The following MYCBP2 variants were observed in gnomAD, a reference collection of about 807,000 sequenced individuals.
MYCBP2 encodes the protein E3 ubiquitin-protein ligase MYCBP2.
MYCBP2 carries 120 observed loss-of-function variants against 525.3 expected under a neutral mutation model. The ratio of observed to expected loss-of-function variants is 0.23; its 90% CI spans 0.20 to 0.27. The LOEUF (loss-of-function observed/expected upper bound fraction) is 0.27. Ranked by LOEUF, MYCBP2 falls within the 10% of genes least tolerant of loss-of-function variation. The pLI is 1.00. For missense variants in MYCBP2, 4,149 were observed against 5,657.1 expected (o/e 0.73, Z 8.55); for synonymous variants, 1,894 against 1,955.8 (o/e 0.97, Z 0.83).
intron 1 of MYCBP2, among the ~76,000 whole-genome samples, chr13:77,297,378 G>A (rs2078300041): frequency 6.6e-6 from 1 of 152,156 alleles, no homozygotes; most frequent in African/African-American, 2.4e-5. Context: ...TGTCCCCAAG[G>A]AGCTCAGAGA....
At position 77,059,507 on chromosome 13, in the gene MYCBP2, G is replaced by A. The variant is rs41287040; in HGVS notation, c.13140+16C>T. On this transcript the variant is annotated intron_variant, in intron 77 of 82. Coordinates refer to ENST00000544440, the MANE Select transcript of MYCBP2 (RefSeq NM_015057.5). ...GAACATGGACAATGGGATGGCCTGT[G>A]TCACTATATACTCACCTGGCAATCT... is the stretch of plus-strand genomic sequence containing the variant. 0.022 allele frequency: 34,883 copies of A among 1,582,356 alleles called. 555 individuals carry two copies. The highest frequency in any genetic ancestry group is 0.054 in the Middle Eastern group (327 of 6,002).
intron 55 of MYCBP2, among the ~76,000 whole-genome samples, chr13:77,118,718 G>A (rs183425859): frequency 1.1e-4 from 16 of 151,074 alleles, no homozygotes; most frequent in Admixed American, 2.6e-4. Flanking sequence ...ATCTTATATA[G>A]AAGCCCACCT....
intron 38 of MYCBP2, 21 bp downstream of exon 38, chr13:77,171,471 C>G (rs750838596): frequency 6.2e-7 from 1 of 1,604,472 alleles, no homozygotes; most frequent in African/African-American, 1.3e-5. Context: ...AATATGACTA[C>G]TGAGAAAGAA....
At chr13:77,256,659 C>T (rs1032362393) in intron 14 of MYCBP2, among the ~76,000 whole-genome samples, 3 of 152,030 alleles carry the variant, frequency 2.0e-5, no homozygotes, top group Non-Finnish European at 2.9e-5. Flanking sequence ...CAGAGAAATG[C>T]AAATCAAAAC....
At chr13:77,222,980 A>G (rs912837008) in intron 20 of MYCBP2, among the ~76,000 whole-genome samples, 1 of 152,286 alleles carries the variant, frequency 6.6e-6, no homozygotes, top group Non-Finnish European at 1.5e-5. Context: ...TCAAAAGGTA[A>G]GTTTTTGCAG....
At chr13:77,142,683 T>C (rs1185027864) in intron 49 of MYCBP2, among the ~76,000 whole-genome samples, 1 of 152,194 alleles carries the variant, frequency 6.6e-6, no homozygotes, top group Non-Finnish European at 1.5e-5. Flanking sequence ...ATCCCTAATA[T>C]GTTAATGTAG....
intron 23 of MYCBP2, among the ~76,000 whole-genome samples, chr13:77,209,461 A>C (rs1369165231): frequency 6.6e-6 from 1 of 152,246 alleles, no homozygotes; most frequent in African/African-American, 2.4e-5. Context: ...ATTTACACCT[A>C]AGTCCAAACC....
Position 77,205,304 on chromosome 13 carries a change from A to T in MYCBP2, c.3795T>A (p.Gly1265=), listed in dbSNP as rs766322207. ...CTCTACCTCCAAACAGACCAAGACC[A>T]CCAAGTAAAATATCAGTGTCGGCAC... ...RFSADTDILL[G]GLGLFGGRGE... The change falls in exon 26 of 83, where the codon GGT becomes GGA. Residue 1265 remains glycine (G), a synonymous_variant. Transcript: ENST00000544440. 6.2e-7 allele frequency: 1 copy of T among 1,613,782 alleles called. No individual in the cohort carries two copies. Among genetic ancestry groups the T allele is most frequent in the African/African-American group, 1.3e-5 (1 of 75,030 alleles).
chr13:77,052,186 TCTC>T (rs775531349), intron 80 of MYCBP2, among the ~76,000 whole-genome samples: 11 of 151,922 alleles, frequency 7.2e-5, no homozygotes, highest in African/African-American at 1.7e-4. Context: ...TCTCTTCTCT[TCTC>T]CTCTTCCACC....
intron 21 of MYCBP2, among the ~76,000 whole-genome samples, chr13:77,213,520 T>C (rs1329223734): frequency 2.0e-5 from 3 of 152,172 alleles, no homozygotes; most frequent in Admixed American, 6.5e-5. Flanking sequence ...ATATATCATA[T>C]TCAGGGATAT....
At position 77,058,459 on chromosome 13, in the gene MYCBP2, T is replaced by C. The variant is rs1185168618; in HGVS notation, c.13141-53A>G. 4.2e-6 allele frequency: 6 copies of C among 1,428,064 alleles called. No individual in the cohort carries two copies. Among genetic ancestry groups the C allele is most frequent in the Non-Finnish European group, 5.6e-6 (6 of 1,072,070 alleles). The allele number at this position is 1,428,064 out of a possible 1,614,324, so 88.5% of individuals were successfully genotyped here. On this transcript the variant is annotated intron_variant, in intron 77 of 82. Transcript: ENST00000544440. The surrounding 1 kb of genome is among the most constrained non-coding windows in gnomAD (Gnocchi z 4.1). The stretch of plus-strand genomic sequence containing the variant: ...CAAGTATGTAAAAAAGCACACATTC[T>C]GGTAATTTTCCTTATTATATAAATT...
At chr13:77,294,117 T>TATATATATATATATATAC (rs2077844177) in intron 2 of MYCBP2, among the ~76,000 whole-genome samples, 3 of 56,668 alleles carry the variant, frequency 5.3e-5, no homozygotes, top group African/African-American at 1.4e-4. Context: ...TATATATATA[T>TATATATATATATATATAC]ATATATATAT....
At chr13:77,078,702 G>A (rs968006263) in intron 66 of MYCBP2, 122 bp downstream of exon 66, 12 of 754,536 alleles carry the variant, frequency 1.6e-5, no homozygotes, top group Non-Finnish European at 2.5e-5. Flanking sequence ...TTAGTGTTCT[G>A]TAAATAGATA....
chr13:77,098,812 G>T lies in MYCBP2; in HGVS notation c.8342C>A (p.Ser2781Ter). ...ILKSDAAKLR[S>*]DSHSRSLSPN... ...GGATAATGACCTACTGTGGGAATCT[G>T]ACCTCAACTTTGCAGCATCAGATTT... Residue 2781 changes from serine (S) to a stop codon, truncating the protein, a stop_gained, in exon 56 of 83, where the codon TCA becomes TAA. Transcript: ENST00000544440. LOFTEE classifies it high-confidence loss of function. 6.2e-7 allele frequency: 1 copy of T among 1,613,578 alleles called. No homozygotes were observed. The highest frequency in any genetic ancestry group is 1.1e-5 in the South Asian group (1 of 91,054).
rs777123311 is a variant in MYCBP2 at position 77,174,396 on chromosome 13, C to T, written c.5566G>A (p.Val1856Met). 3.1e-6 allele frequency: 5 copies of T among 1,614,056 alleles called. No individual in the cohort carries two copies. In the African/African-American group the frequency reaches 4.0e-5, roughly 13 times the overall value. The change falls in exon 37 of 83, where the codon GTG (valine) becomes ATG (methionine). Residue 1856 changes from valine to methionine, a missense_variant. Around this residue, in one of 21 missense-constraint regions of MYCBP2, gnomAD observed 109 missense variants for 118.9 expected, o/e 0.92. Coordinates refer to ENST00000544440, the MANE Select transcript of MYCBP2 (RefSeq NM_015057.5). ...CTGCACGTGCTGAATGTGAATGTCA[C>T]ACCATCAGGGCACTGAACTGTGGTC... ...GMTTVQCPDG[V>M]TFTFSTCSLS...
At chr13:77,162,044 TA>T in intron 43 of MYCBP2, 89 bp from the exon 44 acceptor site, 2 of 881,982 alleles carry the variant, frequency 2.3e-6, no homozygotes, top group Non-Finnish European at 3.5e-6. Context: ...ACACTTTTTT[TA>T]AAAAAATAAT....
intron 26 of MYCBP2, among the ~76,000 whole-genome samples, chr13:77,199,457 G>C (rs1453206232): frequency 6.6e-6 from 1 of 152,026 alleles, no homozygotes; most frequent in Non-Finnish European, 1.5e-5. Flanking sequence ...CGGCAGCGAG[G>C]CTGGGGGAGG....
In MYCBP2 at chr13:77,293,313, G is replaced by A. The variant is rs893132827; in HGVS notation, c.378+3286C>T. ...TTTGACCAGAAAAAATAATAAGATA[G>A]TCTGGCTATGGTATACTTGAGATTG... On this transcript the variant is annotated intron_variant, in intron 2 of 82. Coordinates refer to ENST00000544440, the MANE Select transcript of MYCBP2 (RefSeq NM_015057.5). 7.2e-5 allele frequency among the ~76,000 whole-genome samples: 11 copies of A among 152,094 alleles called. 1 individual carries two copies. Among genetic ancestry groups the A allele is most frequent in the Admixed American group, 6.5e-4 (10 of 15,274 alleles).
intron 75 of MYCBP2, 22 bp downstream of exon 75, chr13:77,061,640 C>T (rs901815405): frequency 6.2e-7 from 1 of 1,605,794 alleles, no homozygotes; most frequent in African/African-American, 1.3e-5. Context: ...ATATTTTATG[C>T]TCCAGAGACA....
Sources: allele counts gnomAD v4.1 joint callset (sites outside exome capture counted in the v4.1 genomes callset), GRCh38; gene constraint gnomAD v4.1.1; regional missense constraint gnomAD v4.1.1; non-coding constraint Gnocchi (gnomAD v3.1); transcripts MANE v1.5; gene names NCBI Gene and HGNC (gene_info 2026-07-23, HGNC 2026-07-21).